Variants in CCR3 observed in about 807,000 individuals in gnomAD.
CCR3 encodes C-C chemokine receptor type 3.
For synonymous variants in CCR3, 203 were observed against 179.2 expected (o/e 1.13, Z -1.06); for missense variants, 419 against 437.5 (o/e 0.96, Z 0.38).
At chr3:46,241,204 C>G (rs1366215526), upstream of CCR3, among the ~76,000 whole-genome samples, 1 of 146,570 alleles carries the variant, frequency 6.8e-6, no homozygotes, top group Non-Finnish European at 1.5e-5. Context: ...CCTCCTTCCT[C>G]TTTCTTTGTC....
At chr3:46,226,871 TA>T (rs1699905548) in intron 2 of CCR3, among the ~76,000 whole-genome samples, 1 of 151,516 alleles carries the variant, frequency 6.6e-6, no homozygotes, top group African/African-American at 2.4e-5. Flanking sequence ...TATATATATA[TA>T]TATTTTCTTT....
intron 1 of CCR3, chr3:46,264,475 A>G: frequency 6.7e-7 from 1 of 1,491,244 alleles, no homozygotes; most frequent in African/African-American, 1.4e-5. Context: ...AAATTTTTCA[A>G]AAGTTAAATT....
chr3:46,227,173 C>T (rs114115904), intron 2 of CCR3, among the ~76,000 whole-genome samples: 9,318 of 152,164 alleles, frequency 0.061, 474 homozygotes, highest in South Asian at 0.25. Context: ...CCTGAGCCAC[C>T]ACGCCCAGCT....
chr3:46,238,537 G>T (rs1700045214), upstream of CCR3, among the ~76,000 whole-genome samples: 1 of 152,156 alleles, frequency 6.6e-6, no homozygotes, highest in Admixed American at 6.5e-5. Flanking sequence ...AGGGGATCAG[G>T]GTATGGAGTT....
intron 2 of CCR3, among the ~76,000 whole-genome samples, chr3:46,226,909 T>C (rs2125924509): frequency 6.6e-6 from 1 of 152,184 alleles, no homozygotes. Context: ...TCTTGCTCTT[T>C]TGCCCAGGCT....
chr3:46,254,818 A>C (rs1700386838), intron 1 of CCR3, among the ~76,000 whole-genome samples: 1 of 152,120 alleles, frequency 6.6e-6, no homozygotes, highest in African/African-American at 2.4e-5. Context: ...CCATTATTTC[A>C]TTCATTTTCA....
At chr3:46,233,965 A>G (rs1699996025) in intron 2 of CCR3, among the ~76,000 whole-genome samples, 1 of 152,204 alleles carries the variant, frequency 6.6e-6, no homozygotes. Flanking sequence ...GGGGTAAGGT[A>G]GCAGGGTTGC....
chr3:46,235,423 A>T lies in CCR3; in HGVS notation c.-67-6979A>T, dbSNP rs138576177. On this transcript the variant is annotated intron_variant, in intron 2 of 3. Transcript: ENST00000357422. Reference sequence around the variant, plus strand: ...GGCGCACTTCCTACAAGCACTTCTCATAGGCTAGCTCACCCAATTCTCACA... The same window carrying T: ...GGCGCACTTCCTACAAGCACTTCTCTTAGGCTAGCTCACCCAATTCTCACA... Among the ~76,000 whole-genome samples the T allele has an allele frequency of 1.4e-4, 21 of 152,342 alleles. No homozygotes were observed. In the East Asian group the frequency reaches 1.7e-3, roughly 13 times the overall value.
intron 2 of CCR3, among the ~76,000 whole-genome samples, chr3:46,221,661 C>T (rs1699838480): frequency 6.6e-6 from 1 of 152,112 alleles, no homozygotes; most frequent in Non-Finnish European, 1.5e-5. Context: ...TTCCTTTTCC[C>T]TCTGTGGGTT....
intron 1 of CCR3, among the ~76,000 whole-genome samples, chr3:46,251,919 C>T (rs984271422): frequency 3.3e-5 from 5 of 152,058 alleles, no homozygotes; most frequent in Non-Finnish European, 7.4e-5. Flanking sequence ...GCCATTTACA[C>T]TTCTTTTGTG....
At chr3:46,220,488 A>G (rs1203982090) in intron 2 of CCR3, among the ~76,000 whole-genome samples, 1 of 152,232 alleles carries the variant, frequency 6.6e-6, no homozygotes, top group Non-Finnish European at 1.5e-5. Flanking sequence ...TGATTCAGCA[A>G]TCCCACTACT....
intron 1 of CCR3, among the ~76,000 whole-genome samples, chr3:46,251,826 G>T (rs961696643): frequency 6.6e-6 from 1 of 152,096 alleles, no homozygotes; most frequent in African/African-American, 2.4e-5. Context: ...GGTGCTCAGT[G>T]GGGGTGATTT....
At chr3:46,256,413 ATT>A (rs1700424964) in intron 1 of CCR3, among the ~76,000 whole-genome samples, 1 of 121,474 alleles carries the variant, frequency 8.2e-6, no homozygotes, top group African/African-American at 3.6e-5. Flanking sequence ...AAAGACTAAA[ATT>A]TTAAATCCAA....
chr3:46,224,829 C>T (rs1185357503), intron 2 of CCR3, among the ~76,000 whole-genome samples: 3 of 150,776 alleles, frequency 2.0e-5, no homozygotes, highest in Admixed American at 1.3e-4. Context: ...GCAATGAGAA[C>T]TCTCACACCA....
chr3:46,251,781 G>A (rs1274368017), intron 1 of CCR3, among the ~76,000 whole-genome samples: 2 of 152,118 alleles, frequency 1.3e-5, no homozygotes, highest in African/African-American at 4.8e-5. Context: ...GTCAAAGGGG[G>A]TTTGTTCTCT....
At chr3:46,258,474 T>C (rs1389720387) in intron 1 of CCR3, among the ~76,000 whole-genome samples, 1 of 152,206 alleles carries the variant, frequency 6.6e-6, no homozygotes, top group Non-Finnish European at 1.5e-5. Flanking sequence ...ATTGTGTTTT[T>C]CAAGAATATG....
chr3:46,221,632 T>C (rs780509561), intron 2 of CCR3, among the ~76,000 whole-genome samples: 12 of 152,156 alleles, frequency 7.9e-5, no homozygotes, highest in Non-Finnish European at 1.6e-4. Flanking sequence ...TTTTCTAGAC[T>C]TTTAGTCTTA....
intron 2 of CCR3, among the ~76,000 whole-genome samples, chr3:46,221,686 G>GTTGGAGTAGGC (rs71619636): frequency 6.6e-6 from 1 of 152,134 alleles, no homozygotes; most frequent in East Asian, 1.9e-4. Context: ...TGCGGGGTGG[G>GTTGGAGTAGGC]CTATTTTGTT....
At chr3:46,260,702 T>G (rs1424841503) in intron 1 of CCR3, among the ~76,000 whole-genome samples, 7 of 152,342 alleles carry the variant, frequency 4.6e-5, no homozygotes, top group Non-Finnish European at 8.8e-5. Context: ...AATAACTCTA[T>G]TTTCTTAAGT....
Sources: gnomAD v4.1 joint callset for allele counts (sites outside exome capture counted in the v4.1 genomes callset) on GRCh38, gnomAD v4.1.1 for gene constraint, MANE v1.5 for transcripts, NCBI Gene and HGNC (gene_info 2026-07-23, HGNC 2026-07-21) for gene names.